Variants in CMTM4 observed in about 807,000 individuals in gnomAD.
CMTM4 encodes CKLF like MARVEL transmembrane domain containing 4, also known as CKLF-like MARVEL transmembrane domain-containing protein 4.
CMTM4 carries 8 observed loss-of-function variants against 19.0 expected under a neutral mutation model. The ratio of observed to expected loss-of-function variants is 0.42; its 90% CI spans 0.25 to 0.76. The LOEUF (loss-of-function observed/expected upper bound fraction) is 0.76, where lower values mean the gene tolerates loss of function less well. CMTM4 is among the 30% of genes least tolerant of loss of function. The probability of loss-of-function intolerance (pLI) is 0.27; values close to 1 mark genes in which losing one functional copy is unlikely to be tolerated. For synonymous variants in CMTM4, 106 were observed against 121.1 expected (o/e 0.88, Z 0.82); for missense variants, 228 against 290.2 (o/e 0.79, Z 1.56).
At chr16:66,672,593 TTATTCCTCTGATTCTTAA>T (rs1270514790) in intron 1 of CMTM4, among the ~76,000 whole-genome samples, 1 of 151,872 alleles carries the variant, frequency 6.6e-6, no homozygotes, top group African/African-American at 2.4e-5. Context: ...CAATCTTTTA[TTATTCCTCTGATTCTTAA>T]GGGTCACTTT....
rs1229444860 is a variant in CMTM4, at chr16:66,620,709, G to A, written c.*1349C>T. The A allele has an allele frequency of 1.0e-6, 1 of 985,654 alleles. No individual in the cohort carries two copies. The highest frequency in any genetic ancestry group is 1.1e-4 in the East Asian group (1 of 8,818). The allele number at this position is 985,654 out of a possible 1,614,324, so 61.1% of individuals were successfully genotyped here. ...CCTGCCACAGTAAGTGCTTTTTGGT[G>A]AGGGCTAAACACAAAATGTTAGAGC... On this transcript the variant is annotated 3_prime_UTR_variant, in exon 4 of 4. Coordinates refer to ENST00000394106, the MANE Select transcript of CMTM4 (RefSeq NM_181521.3).
chr16:66,627,747 C>T (rs113163651), intron 2 of CMTM4, among the ~76,000 whole-genome samples: 48 of 152,314 alleles, frequency 3.2e-4, no homozygotes, highest in African/African-American at 1.1e-3. Context: ...TGGCCTGCCC[C>T]TCCACACCAG....
chr16:66,660,466 A>G (rs2144858176), intron 1 of CMTM4, among the ~76,000 whole-genome samples: 1 of 152,212 alleles, frequency 6.6e-6, no homozygotes, highest in African/African-American at 2.4e-5. Context: ...AAAATTTTCA[A>G]TGTTGTAAAG....
At chr16:66,652,995 A>G (rs2016338792) in intron 1 of CMTM4, among the ~76,000 whole-genome samples, 1 of 152,194 alleles carries the variant, frequency 6.6e-6, no homozygotes, top group Non-Finnish European at 1.5e-5. Flanking sequence ...AAGCATAAAC[A>G]TCTGAAGCTG....
chr16:66,620,239 T>G lies in CMTM4; in HGVS notation c.*1819A>C, dbSNP rs547171800. ...TTTAAAAGGAACTCTCAAAGAGAGA[T>G]AAGCCCAATTTTGACTTTGCAAACA... On this transcript the variant is annotated 3_prime_UTR_variant, in exon 4 of 4. Coordinates refer to ENST00000394106, the MANE Select transcript of CMTM4 (RefSeq NM_181521.3). 8.1e-6 allele frequency: 8 copies of G among 985,346 alleles called. No homozygotes were observed. The African/African-American group carries it at 8.7e-5, about 11-fold the overall frequency. 61.0% of individuals were successfully genotyped at this position (985,346 alleles called of 1,614,324 possible).
In CMTM4 at chr16:66,619,618, C is replaced by T; in HGVS notation, c.*2440G>A. 1.0e-6 allele frequency: 1 copy of T among 985,334 alleles called. No homozygotes were observed. The highest frequency in any genetic ancestry group is 1.2e-6 in the Non-Finnish European group (1 of 829,910). The allele number at this position is 985,334 out of a possible 1,614,324, so 61.0% of individuals were successfully genotyped here. ...GGCAATATAAGAAAAATATAGGCGT[C>T]TTCATATTCACCTTGGATAACCCTA... is the stretch of plus-strand genomic sequence containing the variant. On this transcript the variant is annotated 3_prime_UTR_variant, in exon 4 of 4. Transcript: ENST00000394106.
downstream of CMTM4, chr16:66,614,703 G>A (rs958582093): frequency 4.6e-5 from 7 of 152,192 alleles, no homozygotes; most frequent in African/African-American, 1.2e-4. This position sits in a 1 kb window ranked among gnomAD's most constrained non-coding sequence, Gnocchi z 4.9. Flanking sequence ...GATCCGTAAC[G>A]TTTAAGGGGC....
At chr16:66,608,547 T>G in the CMTM4 span, 17 of 1,377,000 alleles carry the variant, frequency 1.2e-5, no homozygotes, top group Non-Finnish European at 1.7e-5. This position sits in a 1 kb window ranked among gnomAD's most constrained non-coding sequence, Gnocchi z 5.1. Flanking sequence ...CTTGGGCCCT[T>G]ATCCTTTCTC....
At chr16:66,629,001 G>A (rs2144794426) in intron 2 of CMTM4, among the ~76,000 whole-genome samples, 1 of 151,974 alleles carries the variant, frequency 6.6e-6, no homozygotes, top group African/African-American at 2.4e-5. Context: ...CTAGTTTTTG[G>A]GGTTTTTTTG....
intron 2 of CMTM4, among the ~76,000 whole-genome samples, chr16:66,633,488 C>T (rs1465442966): frequency 6.6e-6 from 1 of 152,026 alleles, no homozygotes; most frequent in African/African-American, 2.4e-5. Flanking sequence ...CTTTTTCACC[C>T]CTCTCAGAGA....
chr16:66,674,732 CTTTTTTTTTT>C (rs771044359), intron 1 of CMTM4, among the ~76,000 whole-genome samples: 11 of 92,486 alleles, frequency 1.2e-4, no homozygotes, highest in African/African-American at 4.4e-4. Flanking sequence ...GTTACATATT[CTTTTTTTTTT>C]TTTTTTTTTT....
downstream of CMTM4, among the ~76,000 whole-genome samples, chr16:66,611,457 A>G (rs2015373749): frequency 6.6e-6 from 1 of 152,022 alleles, no homozygotes. Context: ...TCGGGGGGAA[A>G]AAATTGAATA....
intron 1 of CMTM4, among the ~76,000 whole-genome samples, chr16:66,684,647 C>A (rs1427503158): frequency 6.6e-6 from 1 of 152,130 alleles, no homozygotes; most frequent in Non-Finnish European, 1.5e-5. Context: ...GAATTTTTCA[C>A]AAAAATCCTC....
At chr16:66,644,072 T>G in intron 1 of CMTM4, among the ~76,000 whole-genome samples, 1 of 152,150 alleles carries the variant, frequency 6.6e-6, no homozygotes, top group East Asian at 1.9e-4. Flanking sequence ...AGTACTTCTG[T>G]GCAGGAGTTT....
At chr16:66,624,939 A>G (rs925873830) in intron 2 of CMTM4, among the ~76,000 whole-genome samples, 1 of 152,216 alleles carries the variant, frequency 6.6e-6, no homozygotes, top group Admixed American at 6.5e-5. Flanking sequence ...ATTTTTCACA[A>G]ATTCAAACCA....
intron 2 of CMTM4, among the ~76,000 whole-genome samples, chr16:66,626,832 G>A (rs1387928072): frequency 1.3e-5 from 2 of 152,046 alleles, no homozygotes; most frequent in Non-Finnish European, 2.9e-5. Flanking sequence ...CAGGCATGGT[G>A]GCTCCTGCCT....
At chr16:66,624,966 A>C (rs2051592590) in intron 2 of CMTM4, among the ~76,000 whole-genome samples, 1 of 152,188 alleles carries the variant, frequency 6.6e-6, no homozygotes, top group Non-Finnish European at 1.5e-5. Context: ...GTTTAGTTAC[A>C]CTCAGCTCTG....
chr16:66,623,620 T>A, intron 2 of CMTM4, 118 bp from the exon 3 acceptor site: 1 of 619,220 alleles, frequency 1.6e-6, no homozygotes. Flanking sequence ...TGGCTCCATA[T>A]TTCAGTCTCA....
the CMTM4 span, among the ~76,000 whole-genome samples, chr16:66,603,391 G>A: frequency 2.0e-5 from 3 of 151,986 alleles, no homozygotes; most frequent in African/African-American, 4.8e-5. Flanking sequence ...GGGTTCAAGC[G>A]ATTCTTGTGC....
Sources: allele counts gnomAD v4.1 joint callset (sites outside exome capture counted in the v4.1 genomes callset), GRCh38; gene constraint gnomAD v4.1.1; non-coding constraint Gnocchi (gnomAD v3.1); transcripts MANE v1.5; gene names NCBI Gene and HGNC (gene_info 2026-07-23, HGNC 2026-07-21).